Variants in RASEF observed in about 807,000 individuals in gnomAD.
The protein encoded by RASEF is RAS and EF-hand domain containing, also known as ras and EF-hand domain-containing protein.
RASEF carries 68 observed loss-of-function variants against 90.1 expected under a neutral mutation model. That is an observed-to-expected ratio of 0.75 (90% confidence interval 0.62 to 0.92). The LOEUF (loss-of-function observed/expected upper bound fraction) is 0.92, where lower values mean the gene tolerates loss of function less well. RASEF is among the 40% of genes least tolerant of loss of function. The pLI, the probability that RASEF is intolerant of heterozygous loss-of-function variation, is 0.00. For missense variants in RASEF, 949 were observed against 937.2 expected (o/e 1.01, Z -0.16); for synonymous variants, 331 against 345.2 (o/e 0.96, Z 0.46).
At chr9:83,141,713 C>A in the RASEF span, among the ~76,000 whole-genome samples, 1 of 152,146 alleles carries the variant, frequency 6.6e-6, no homozygotes, top group East Asian at 1.9e-4. Context: ...GGTAGAGATA[C>A]ACGTGCCCAA....
Position 82,981,182 on chromosome 9 carries a change from C to G in RASEF, c.*1495G>C, listed in dbSNP as rs529103726. The G allele has an allele frequency of 6.6e-6, 1 of 152,160 alleles. No individual in the cohort carries two copies. The highest frequency in any genetic ancestry group is 1.5e-5 in the Non-Finnish European group (1 of 68,038). The allele number at this position is 152,160 out of a possible 1,614,324, so 9.4% of individuals were successfully genotyped here. A position where few individuals can be genotyped will look rare whatever the true frequency, so the allele number is the denominator to read the frequency against. ...TCAGCAAGCTACTTGGGGCCTGGAC[C>G]TAGATGAAGCAAGGTAAATTAGAAT... On this transcript the variant is annotated 3_prime_UTR_variant, in exon 17 of 17. Coordinates refer to ENST00000376447, the MANE Select transcript of RASEF (RefSeq NM_152573.4).
chr9:82,998,085 C>A (rs1201581024), intron 13 of RASEF, among the ~76,000 whole-genome samples: 1 of 152,046 alleles, frequency 6.6e-6, no homozygotes, highest in East Asian at 1.9e-4. Context: ...AAAATGCTGC[C>A]TCTCATGTTA....
At chr9:83,001,549 G>C (rs1001745993) in intron 9 of RASEF, among the ~76,000 whole-genome samples, 3 of 152,134 alleles carry the variant, frequency 2.0e-5, no homozygotes, top group Middle Eastern at 6.8e-3. Flanking sequence ...TACTTAAAAG[G>C]GCTGCTGAGA....
At chr9:83,193,539 T>A in the RASEF span, among the ~76,000 whole-genome samples, 1 of 152,176 alleles carries the variant, frequency 6.6e-6, no homozygotes. Context: ...CTCCATAATC[T>A]GGATCAAATG....
the RASEF span, among the ~76,000 whole-genome samples, chr9:83,158,098 A>G: frequency 5.9e-5 from 9 of 152,180 alleles, no homozygotes; most frequent in Non-Finnish European, 1.0e-4. Flanking sequence ...GTTTTTCTGT[A>G]CATGTAAGAA....
the RASEF span, among the ~76,000 whole-genome samples, chr9:83,151,176 A>G: frequency 6.6e-6 from 1 of 152,164 alleles, no homozygotes; most frequent in Non-Finnish European, 1.5e-5. Context: ...GATAATAAAA[A>G]CAGACTGACT....
At chr9:83,106,263 T>C in the RASEF span, among the ~76,000 whole-genome samples, 2 of 152,204 alleles carry the variant, frequency 1.3e-5, no homozygotes, top group African/African-American at 4.8e-5. Context: ...TGCCCGTATC[T>C]CTCTGTTTAT....
At chr9:82,998,299 C>A in intron 13 of RASEF, 66 bp downstream of exon 13, 1 of 851,262 alleles carries the variant, frequency 1.2e-6, no homozygotes, top group South Asian at 1.5e-5. Context: ...TGAAGAACAT[C>A]AAGTGGCCTG....
the RASEF span, among the ~76,000 whole-genome samples, chr9:83,156,372 G>A: frequency 0.55 from 82,905 of 151,982 alleles, 22,945 homozygotes; most frequent in Middle Eastern, 0.66. Flanking sequence ...ACCTGATAAA[G>A]GGACACTCTG....
the RASEF span, among the ~76,000 whole-genome samples, chr9:83,079,377 C>T: frequency 6.6e-6 from 1 of 152,122 alleles, no homozygotes; most frequent in Non-Finnish European, 1.5e-5. Context: ...TATTTCTGGG[C>T]TCTCTATTCT....
rs1828591854 is a variant in RASEF at position 82,981,126 on chromosome 9, A to T, written c.*1551T>A. 2 of 152,242 alleles carry T rather than the reference A, an allele frequency of 1.3e-5. No individual in the cohort carries two copies. The highest frequency in any genetic ancestry group is 1.3e-4 in the Admixed American group (2 of 15,282). The allele number at this position is 152,242 out of a possible 1,614,324, so 9.4% of individuals were successfully genotyped here. ...AATAAATGTTTTTAGCTTATACAAT[A>T]CAATAAATAACAGCTACTTTTTAAG... On this transcript the variant is annotated 3_prime_UTR_variant, in exon 17 of 17. Coordinates refer to ENST00000376447, the MANE Select transcript of RASEF (RefSeq NM_152573.4).
the RASEF span, among the ~76,000 whole-genome samples, chr9:83,080,474 T>C: frequency 2.6e-5 from 4 of 152,216 alleles, no homozygotes; most frequent in Non-Finnish European, 5.9e-5. Context: ...CTATCAAAGA[T>C]GGCCTGGGTT....
chr9:83,035,591 G>A (rs1232675725), intron 1 of RASEF, among the ~76,000 whole-genome samples: 3 of 152,090 alleles, frequency 2.0e-5, no homozygotes, highest in Admixed American at 1.3e-4. Flanking sequence ...CTTTATTTAA[G>A]AGCACTTGCC....
intron 10 of RASEF, 132 bp downstream of exon 10, chr9:83,000,764 A>T (rs1383735650): frequency 1.0e-6 from 1 of 954,090 alleles, no homozygotes; most frequent in African/African-American, 1.7e-5. Flanking sequence ...CTGTGGAGGA[A>T]AAAGCATTTT....
chr9:83,073,080 G>A, the RASEF span, among the ~76,000 whole-genome samples: 2 of 152,076 alleles, frequency 1.3e-5, no homozygotes, highest in Non-Finnish European at 1.5e-5. Context: ...TCTCCATCAC[G>A]CATGTAGCAG....
the RASEF span, among the ~76,000 whole-genome samples, chr9:83,161,052 T>C: frequency 6.6e-6 from 1 of 152,152 alleles, no homozygotes; most frequent in African/African-American, 2.4e-5. Flanking sequence ...GGGGCCCTCA[T>C]AGAGAACCTC....
At chr9:83,045,528 T>A (rs1156972068) in intron 1 of RASEF, among the ~76,000 whole-genome samples, 1 of 152,216 alleles carries the variant, frequency 6.6e-6, no homozygotes, top group Non-Finnish European at 1.5e-5. Flanking sequence ...ACTTTTATTA[T>A]CCTGAAGACA....
the RASEF span, among the ~76,000 whole-genome samples, chr9:83,206,706 C>T: frequency 0.099 from 15,133 of 152,172 alleles, 974 homozygotes; most frequent in East Asian, 0.18. Flanking sequence ...GCCAGAGGCC[C>T]GGAGGCCTGT....
intron 1 of RASEF, among the ~76,000 whole-genome samples, chr9:83,040,456 T>C (rs2118637724): frequency 6.6e-6 from 1 of 152,308 alleles, no homozygotes; most frequent in Admixed American, 6.5e-5. Context: ...ACATATTGCA[T>C]ACATAGATAA....
Sources: allele counts gnomAD v4.1 joint callset (sites outside exome capture counted in the v4.1 genomes callset), GRCh38; gene constraint gnomAD v4.1.1; transcripts MANE v1.5; gene names NCBI Gene and HGNC (gene_info 2026-07-23, HGNC 2026-07-21).